Variants in PARP9 observed in about 807,000 individuals in gnomAD.
The protein encoded by PARP9 is protein mono-ADP-ribosyltransferase PARP9.
PARP9 carries 48 observed loss-of-function variants against 68.8 expected under a neutral mutation model. That is an observed-to-expected ratio of 0.70 (90% CI 0.55 to 0.89). The LOEUF (loss-of-function observed/expected upper bound fraction) is 0.89, where lower values mean the gene tolerates loss of function less well. Ranked by LOEUF, PARP9 falls within the 40% of genes least tolerant of loss-of-function variation. The probability of loss-of-function intolerance (pLI) is 0.00; values close to 1 mark genes in which losing one functional copy is unlikely to be tolerated. For missense variants in PARP9, 806 were observed against 969.3 expected, an observed-to-expected ratio of 0.83 and a Z score of 2.24; for synonymous variants, 309 against 333.8, an observed-to-expected ratio of 0.93 and a Z score of 0.81.
chr3:122,559,743 T>C lies in PARP9; in HGVS notation c.-89-34A>G, dbSNP rs900920025. ...GAATTAGAAAAGATGCAATAAACAT[T>C]AGCCAGAATCTTAGGAAATTCGGTA... is the stretch of plus-strand genomic sequence containing the variant. On this transcript the variant is annotated intron_variant, in intron 1 of 10. Transcript: ENST00000682323. 15 of 914,548 alleles carry C rather than the reference T, an allele frequency of 1.6e-5. No individual in the cohort carries two copies. In the African/African-American group the frequency reaches 2.2e-4, roughly 13 times the overall value. The allele number at this position is 914,548 out of a possible 1,614,324, so 56.7% of individuals were successfully genotyped here. A position where few individuals can be genotyped will look rare whatever the true frequency, so the allele number is the denominator to read the frequency against.
chr3:122,532,279 T>C, intron 10 of PARP9: 1 of 984,782 alleles, frequency 1.0e-6, no homozygotes, highest in African/African-American at 1.8e-5. Context: ...AGACATAGAG[T>C]GGCCTGTGCA....
chr3:122,536,994 TGGA>T lies in PARP9; in HGVS notation c.1842_1844del (p.Pro615del). 1 of 1,614,068 alleles carries T rather than the reference TGGA, an allele frequency of 6.2e-7. No individual in the cohort carries two copies. The highest frequency in any genetic ancestry group is 8.5e-7 in the Non-Finnish European group (1 of 1,179,936). On this transcript the variant is annotated inframe_deletion, in exon 9 of 11. Coordinates refer to ENST00000682323, the MANE Select transcript of PARP9 (RefSeq NM_001146105.2). ...TCTTTTGATCTAGAAGCTCTTGAGTTGGAGGCACAGGACATTTCAGAAATATGA... is the reference window on the plus strand; with the variant it reads ...TCTTTTGATCTAGAAGCTCTTGAGTTGGCACAGGACATTTCAGAAATATGA...
At chr3:122,557,580 C>G (rs573165523) in intron 3 of PARP9, among the ~76,000 whole-genome samples, 42 of 152,326 alleles carry the variant, frequency 2.8e-4, no homozygotes, top group African/African-American at 1.0e-3. Flanking sequence ...CAGCCTCCAT[C>G]AGTAGCTGAG....
chr3:122,558,204 G>C (rs1266734865), intron 3 of PARP9: 3 of 1,223,894 alleles, frequency 2.5e-6, no homozygotes, highest in Non-Finnish European at 3.4e-6. Flanking sequence ...GTCGTTAAAA[G>C]AGTCTCACAT....
chr3:122,554,154 G>T (rs755296181), intron 4 of PARP9, among the ~76,000 whole-genome samples: 1 of 151,952 alleles, frequency 6.6e-6, no homozygotes, highest in Non-Finnish European at 1.5e-5. Flanking sequence ...CTGTAGTCAA[G>T]CCCATTATTT....
chr3:122,563,996 T>G (rs2080467518), intron 1 of PARP9: 1 of 160,656 alleles, frequency 6.2e-6, no homozygotes, highest in Non-Finnish European at 1.4e-5. Flanking sequence ...CATTCAAATT[T>G]TCAAAAATGG....
Position 122,535,289 on chromosome 3 carries a change from A to G in PARP9, c.2080+879T>C, listed in dbSNP as rs538448467. The G allele has an allele frequency of 4.1e-6, 4 of 985,404 alleles. No individual in the cohort carries two copies. The South Asian group carries it at 1.4e-4, about 35-fold the overall frequency. 61.0% of individuals were successfully genotyped at this position (985,404 alleles called of 1,614,324 possible). ...CTATTTTTATCCCCAGTAATTGTCTATGTTCAACATTTACCCCAAGTTTTG... is the reference window on the plus strand; with the variant it reads ...CTATTTTTATCCCCAGTAATTGTCTGTGTTCAACATTTACCCCAAGTTTTG... On this transcript the variant is annotated intron_variant, in intron 10 of 10. Transcript: ENST00000682323.
intron 10 of PARP9, chr3:122,534,004 G>A: frequency 2.0e-6 from 2 of 985,446 alleles, no homozygotes; most frequent in Non-Finnish European, 2.4e-6. Flanking sequence ...GTTCTCTCTA[G>A]CCTACAGAGA....
At chr3:122,540,406 C>T (rs766912193) in intron 8 of PARP9, 66 bp downstream of exon 8, 44 of 1,567,902 alleles carry the variant, frequency 2.8e-5, no homozygotes, top group Middle Eastern at 2.3e-4. Context: ...CATACATACA[C>T]GCTCACACCC....
intron 6 of PARP9, 140 bp downstream of exon 6, chr3:122,550,444 T>G: frequency 1.4e-6 from 1 of 702,332 alleles, no homozygotes. Context: ...AAATTAAACT[T>G]CACCAAGTTA....
chr3:122,564,622 C>A, upstream of PARP9: 1 of 1,577,896 alleles, frequency 6.3e-7, no homozygotes. Flanking sequence ...AGGTGAGCTT[C>A]GGGCGGCCAG....
rs570668997 is a variant in PARP9, at chr3:122,543,572, C to T, written c.1384+1860G>A. ...GATTACAGGCGTAAGCCACGGTGCC[C>T]GGCCCTTCCTAAATAGTTTATTTAA... On this transcript the variant is annotated intron_variant, in intron 7 of 10. Transcript: ENST00000682323. 9.9e-4 allele frequency among the ~76,000 whole-genome samples: 150 copies of T among 152,186 alleles called. 1 individual carries two copies. Among genetic ancestry groups the T allele is most frequent in the African/African-American group, 3.5e-3 (147 of 41,520 alleles).
chr3:122,539,631 G>A (rs1184097121), intron 8 of PARP9, among the ~76,000 whole-genome samples: 1 of 150,792 alleles, frequency 6.6e-6, no homozygotes, highest in Non-Finnish European at 1.5e-5. Flanking sequence ...TTCGATCTTG[G>A]TTCACTGCAA....
chr3:122,529,234 TAAAAAAA>T (rs59705545), intron 10 of PARP9, among the ~76,000 whole-genome samples: 1 of 77,264 alleles, frequency 1.3e-5, no homozygotes, highest in South Asian at 4.3e-4. Flanking sequence ...GCGAAACTCT[TAAAAAAA>T]AAAAAAAAAA....
chr3:122,556,261 T>C (rs1044491368), intron 3 of PARP9, 140 bp from the exon 4 acceptor site: 16 of 602,518 alleles, frequency 2.7e-5, no homozygotes, highest in Non-Finnish European at 3.9e-5. Context: ...TGTAGTGCTC[T>C]TCATGATTCT....
chr3:122,535,140 A>C (rs1248428569), intron 10 of PARP9: 1 of 985,318 alleles, frequency 1.0e-6, no homozygotes, highest in Non-Finnish European at 1.2e-6. Context: ...TGGGGATTGC[A>C]GAGAAGCCAG....
rs774189085 is a variant in PARP9 at position 122,558,419 on chromosome 3, G to A, written c.49+15C>T. 5.0e-6 allele frequency: 8 copies of A among 1,614,036 alleles called. No homozygotes were observed. Among genetic ancestry groups the A allele is most frequent in the East Asian group, 2.2e-5 (1 of 44,892 alleles). Reference sequence around the variant, plus strand: ...AAGACTTTCTGAAACAAGAGTGAGAGCGAGGTAATCCTACCTGATTTTTCA... The same window carrying A: ...AAGACTTTCTGAAACAAGAGTGAGAACGAGGTAATCCTACCTGATTTTTCA... On this transcript the variant is annotated intron_variant, in intron 3 of 10. Coordinates refer to ENST00000682323, the MANE Select transcript of PARP9 (RefSeq NM_001146105.2).
rs1051091157 is a variant in PARP9, at chr3:122,555,180, C to T, written c.885+106G>A. On this transcript the variant is annotated intron_variant, in intron 4 of 10. Transcript: ENST00000682323. Reference sequence around the variant, plus strand: ...ACTGCATCTGGCTCATATTCTTAATCCAAACAAGATGGTTTCTACATAGTG... The same window carrying T: ...ACTGCATCTGGCTCATATTCTTAATTCAAACAAGATGGTTTCTACATAGTG... 5 of 1,157,112 alleles carry T rather than the reference C, an allele frequency of 4.3e-6. No homozygotes were observed. In the East Asian group the frequency reaches 1.2e-4, roughly 28 times the overall value. 71.7% of individuals were successfully genotyped at this position (1,157,112 alleles called of 1,614,324 possible). A position where few individuals can be genotyped will look rare whatever the true frequency, so the allele number is the denominator to read the frequency against.
At chr3:122,537,484 A>T (rs908272778) in intron 8 of PARP9, among the ~76,000 whole-genome samples, 1 of 152,234 alleles carries the variant, frequency 6.6e-6, no homozygotes, top group Non-Finnish European at 1.5e-5. Context: ...TTTGTAAAAC[A>T]CTTCAAAATT....
Sources: allele counts gnomAD v4.1 joint callset (sites outside exome capture counted in the v4.1 genomes callset), GRCh38; gene constraint gnomAD v4.1.1; transcripts MANE v1.5; gene names NCBI Gene and HGNC (gene_info 2026-07-23, HGNC 2026-07-21).